The following CRADD variants were observed in gnomAD, a reference collection of about 807,000 sequenced individuals.
CRADD encodes the protein death domain-containing protein CRADD.
A neutral mutation model predicts 15.5 loss-of-function variants in CRADD; 9 were observed. The observed-to-expected ratio is 0.58, with a 90% CI of 0.35 to 1.01. CRADD has a LOEUF of 1.01. CRADD is among the 50% of genes least tolerant of loss of function. CRADD has a pLI of 0.02. For missense variants in CRADD, 227 were observed against 250.3 expected (o/e 0.91, Z 0.63); for synonymous variants, 118 against 107.6 (o/e 1.10, Z -0.60).
At position 93,732,789 on chromosome 12, in the gene CRADD, A is replaced by G. The variant is rs536441915; in HGVS notation, c.298+53717A>G. 2.4e-4 allele frequency among the ~76,000 whole-genome samples: 37 copies of G among 152,352 alleles called. No homozygotes were observed. In the South Asian group the frequency reaches 2.9e-3, roughly 12 times the overall value. On this transcript the variant is annotated intron_variant, in intron 2 of 2. Transcript: ENST00000332896. ...CTGACAGAGTTGTTGAGAGGATTAA[A>G]TGACATAATTTTTGTAAAGAGCATA... is the stretch of plus-strand genomic sequence containing the variant.
At chr12:93,867,824 T>C (rs1958383335) in intron 2 of CRADD, among the ~76,000 whole-genome samples, 1 of 152,164 alleles carries the variant, frequency 6.6e-6, no homozygotes, top group African/African-American at 2.4e-5. Context: ...CAAATTGTTT[T>C]TGAGTGGGGG....
chr12:93,681,864 G>GGT (rs150437730), intron 2 of CRADD, among the ~76,000 whole-genome samples: 120 of 151,128 alleles, frequency 7.9e-4, no homozygotes, highest in Non-Finnish European at 1.2e-3. Flanking sequence ...AAGTTCTAGA[G>GGT]GTGTGTGTGT....
At chr12:93,780,897 C>G (rs968962808) in intron 2 of CRADD, among the ~76,000 whole-genome samples, 3 of 148,926 alleles carry the variant, frequency 2.0e-5, no homozygotes, top group African/African-American at 7.4e-5. Context: ...CAGGCACATG[C>G]CACCATGCCC....
At chr12:93,787,204 A>G (rs1419502328) in intron 2 of CRADD, among the ~76,000 whole-genome samples, 1 of 149,892 alleles carries the variant, frequency 6.7e-6, no homozygotes, top group African/African-American at 2.5e-5. Context: ...GGGACTGGCC[A>G]AGAGTTGTTC....
chr12:93,852,015 T>G (rs191264397), downstream of CRADD, among the ~76,000 whole-genome samples: 6 of 152,250 alleles, frequency 3.9e-5, no homozygotes, highest in African/African-American at 1.4e-4. Context: ...GATAGTCTAC[T>G]GGCCTTATCA....
intron 2 of CRADD, among the ~76,000 whole-genome samples, chr12:93,780,839 C>G (rs533173949): frequency 8.5e-6 from 1 of 118,014 alleles, no homozygotes; most frequent in East Asian, 3.0e-4. Flanking sequence ...CTCCTAGGTT[C>G]AAGTGATTCT....
intron 2 of CRADD, chr12:93,816,164 A>G (rs1045787749): frequency 6.6e-6 from 1 of 152,240 alleles, no homozygotes; most frequent in Non-Finnish European, 1.5e-5. Flanking sequence ...TTATTTCAAC[A>G]TGAAAGGAAT....
chr12:93,751,085 A>G (rs1401295195), intron 2 of CRADD, among the ~76,000 whole-genome samples: 1 of 152,234 alleles, frequency 6.6e-6, no homozygotes, highest in Non-Finnish European at 1.5e-5. Flanking sequence ...TGTAAACTTG[A>G]GAGACATTCC....
intron 2 of CRADD, among the ~76,000 whole-genome samples, chr12:93,728,001 G>A (rs10507025): frequency 2.6e-5 from 4 of 152,244 alleles, no homozygotes; most frequent in South Asian, 2.1e-4. Flanking sequence ...CAGAACTTGC[G>A]TGTTACTATA....
chr12:93,826,259 C>T (rs1389618154), intron 2 of CRADD, among the ~76,000 whole-genome samples: 1 of 152,200 alleles, frequency 6.6e-6, no homozygotes, highest in Non-Finnish European at 1.5e-5. Context: ...ATAAAATAGA[C>T]CGCTGTGAAA....
chr12:93,872,101 A>G (rs1958425688), intron 2 of CRADD, among the ~76,000 whole-genome samples: 1 of 152,178 alleles, frequency 6.6e-6, no homozygotes, highest in Non-Finnish European at 1.5e-5. Flanking sequence ...GATATAAGCC[A>G]TTTTAACTGG....
intron 2 of CRADD, among the ~76,000 whole-genome samples, chr12:93,732,926 C>A (rs1956491508): frequency 6.6e-6 from 1 of 152,184 alleles, no homozygotes; most frequent in South Asian, 2.1e-4. Flanking sequence ...AGAATGCACA[C>A]TGTCTTGTCT....
chr12:93,808,074 C>T (rs1262922483), intron 2 of CRADD, among the ~76,000 whole-genome samples: 2 of 148,310 alleles, frequency 1.3e-5, no homozygotes, highest in Non-Finnish European at 3.0e-5. Flanking sequence ...GTGGGGAGGC[C>T]CCCATTCAGT....
At chr12:93,806,460 AAAAAAAAAAAAACAAAAAAAAG>A (rs1565920927) in intron 2 of CRADD, among the ~76,000 whole-genome samples, 1 of 148,478 alleles carries the variant, frequency 6.7e-6, no homozygotes, top group Non-Finnish European at 1.5e-5. Flanking sequence ...TCAAAAAAAA[AAAAAAAAAAAAACAAAAAAAAG>A]AAAAAAAAGG....
intron 2 of CRADD, among the ~76,000 whole-genome samples, chr12:93,760,435 T>A (rs571550399): frequency 1.3e-5 from 2 of 152,296 alleles, no homozygotes; most frequent in African/African-American, 4.8e-5. Context: ...CTATGAGAGA[T>A]CTTCTTAGTT....
intron 2 of CRADD, among the ~76,000 whole-genome samples, chr12:93,753,515 T>C (rs1382192142): frequency 6.6e-6 from 1 of 152,232 alleles, no homozygotes; most frequent in East Asian, 1.9e-4. Flanking sequence ...CTTCCGCTTA[T>C]GAGCCTGTAA....
chr12:93,887,314 CT>C (rs1177812940), intron 2 of CRADD, among the ~76,000 whole-genome samples: 7 of 152,200 alleles, frequency 4.6e-5, no homozygotes, highest in African/African-American at 1.7e-4. Flanking sequence ...CACAGATACA[CT>C]TTTAATGACA....
intron 2 of CRADD, among the ~76,000 whole-genome samples, chr12:93,697,593 TAATAAGTTA>T (rs147009706): frequency 0.15 from 23,537 of 151,970 alleles, 3,454 homozygotes; most frequent in African/African-American, 0.39. Context: ...TCAGTTAAAA[TAATAAGTTA>T]AATAAGTTAA....
intron 2 of CRADD, among the ~76,000 whole-genome samples, chr12:93,787,219 C>G (rs190969777): frequency 3.5e-5 from 5 of 142,880 alleles, no homozygotes; most frequent in Non-Finnish European, 1.5e-5. Context: ...TTGTTCATCA[C>G]TAAGTCAGCC....
Sources: allele counts gnomAD v4.1 joint callset (sites outside exome capture counted in the v4.1 genomes callset), GRCh38; gene constraint gnomAD v4.1.1; transcripts MANE v1.5; gene names NCBI Gene and HGNC (gene_info 2026-07-23, HGNC 2026-07-21).